Variants in WDFY4 observed in about 807,000 individuals in gnomAD.
WDFY4 encodes the protein WD repeat- and FYVE domain-containing protein 4.
A neutral mutation model predicts 351.9 loss-of-function variants in WDFY4; 169 were observed. The ratio of observed to expected loss-of-function variants is 0.48; its 90% CI spans 0.42 to 0.55. WDFY4 has a LOEUF of 0.55. Ranked by LOEUF, WDFY4 falls within the 20% of genes least tolerant of loss-of-function variation. The pLI is 0.00. For synonymous variants in WDFY4, 1,622 were observed against 1,574.6 expected (o/e 1.03, Z -0.71); for missense variants, 3,803 against 3,935.6 (o/e 0.97, Z 0.90).
chr10:48,937,145 C>T (rs1270439281), intron 47 of WDFY4, among the ~76,000 whole-genome samples: 3 of 152,108 alleles, frequency 2.0e-5, no homozygotes, highest in Admixed American at 6.5e-5. Context: ...CCGCCCACCT[C>T]GGCCTCCCAG....
chr10:48,869,269 G>A (rs114395625), intron 40 of WDFY4, among the ~76,000 whole-genome samples: 1,796 of 152,192 alleles, frequency 0.012, 32 homozygotes, highest in African/African-American at 0.041. Context: ...AATCTGCCAC[G>A]TCCTTTGAGA....
At chr10:48,915,141 A>G (rs2663064) in intron 47 of WDFY4, among the ~76,000 whole-genome samples, 10,947 of 152,214 alleles carry the variant, frequency 0.072, 542 homozygotes, top group Middle Eastern at 0.11. Context: ...AGACACCCTT[A>G]CAGAGCTATG....
At chr10:48,928,920 C>T (rs569350988) in intron 47 of WDFY4, among the ~76,000 whole-genome samples, 1 of 152,302 alleles carries the variant, frequency 6.6e-6, no homozygotes, top group South Asian at 2.1e-4. Context: ...GGCACTGTTC[C>T]AGGCAGCAAA....
chr10:48,941,880 G>C, intron 48 of WDFY4, 32 bp downstream of exon 48: 1 of 1,551,040 alleles, frequency 6.4e-7, no homozygotes, highest in Non-Finnish European at 8.7e-7. Flanking sequence ...GAAGCCCTCT[G>C]GGAATGCAAA....
At chr10:48,745,130 T>G (rs965112168) in intron 12 of WDFY4, among the ~76,000 whole-genome samples, 5 of 152,260 alleles carry the variant, frequency 3.3e-5, no homozygotes, top group Non-Finnish European at 5.9e-5. Flanking sequence ...TTTGTAAGTT[T>G]TATTTTCAGT....
At chr10:48,766,761 C>T (rs1035268385) in intron 13 of WDFY4, among the ~76,000 whole-genome samples, 1 of 152,198 alleles carries the variant, frequency 6.6e-6, no homozygotes, top group Non-Finnish European at 1.5e-5. Flanking sequence ...TGTTCCTTTT[C>T]CATGACATAC....
intron 23 of WDFY4, 47 bp from the exon 24 acceptor site, chr10:48,796,251 T>C: frequency 6.6e-7 from 1 of 1,523,486 alleles, no homozygotes; most frequent in Non-Finnish European, 8.9e-7. Context: ...AGGGGAAATC[T>C]CTAATGATGC....
At chr10:48,788,865 C>T (rs968089473) in intron 21 of WDFY4, among the ~76,000 whole-genome samples, 190 bp downstream of exon 21, 6 of 152,146 alleles carry the variant, frequency 3.9e-5, no homozygotes, top group Admixed American at 2.6e-4. Flanking sequence ...CCAGACTAAG[C>T]CTTTCATTTA....
intron 47 of WDFY4, among the ~76,000 whole-genome samples, chr10:48,904,449 A>G (rs979790225): frequency 3.3e-5 from 5 of 152,220 alleles, no homozygotes; most frequent in Admixed American, 2.0e-4. Flanking sequence ...TAATTGAAGC[A>G]AAAAAGAGGA....
At chr10:48,820,972 A>G in intron 33 of WDFY4, 90 bp from the exon 34 acceptor site, 1 of 872,220 alleles carries the variant, frequency 1.1e-6, no homozygotes, top group Non-Finnish European at 1.9e-6. Flanking sequence ...GATGCGGCAT[A>G]AGTGTCCCAG....
chr10:48,818,102 G>T (rs1413373388), intron 32 of WDFY4, among the ~76,000 whole-genome samples: 3 of 152,216 alleles, frequency 2.0e-5, no homozygotes, highest in African/African-American at 7.2e-5. Context: ...GACTAAAGAA[G>T]AAGGTCAGGT....
chr10:48,931,987 C>T (rs145231832), intron 47 of WDFY4, among the ~76,000 whole-genome samples: 41 of 152,256 alleles, frequency 2.7e-4, no homozygotes, highest in South Asian at 1.0e-3. Context: ...CTGAAAAGGC[C>T]GGTGGGTAGG....
rs369085972 is a variant in WDFY4, at chr10:48,946,058, C to A, written c.7768C>A (p.Pro2590Thr). ...CTTCTAGACATTGAACTTGGCAAAT[C>A]CGAAGATTTTCCGGGATCTTTCAAA... ...YTSETLNLAN[P>T]KIFRDLSKPM... The change falls in exon 50 of 62, where the codon CCG becomes ACG. Residue 2590 changes from proline (P) to threonine (T), a missense_variant. Pro to Thr is a conservative substitution (Grantham distance 38). Around this residue, in one of 3 missense-constraint regions of WDFY4, gnomAD observed 3,054 missense variants for 3,148.6 expected, o/e 0.97. Transcript: ENST00000325239. 1.3e-6 allele frequency: 2 copies of A among 1,544,992 alleles called. No individual in the cohort carries two copies. Among genetic ancestry groups the A allele is most frequent in the Non-Finnish European group, 1.7e-6 (2 of 1,145,172 alleles).
intron 43 of WDFY4, among the ~76,000 whole-genome samples, chr10:48,877,425 T>C (rs1457170622): frequency 1.3e-5 from 2 of 152,222 alleles, no homozygotes; most frequent in Non-Finnish European, 2.9e-5. Flanking sequence ...AAATATTTAA[T>C]AGGTGTACCA....
At chr10:48,750,662 C>A (rs2065155776) in intron 12 of WDFY4, among the ~76,000 whole-genome samples, 1 of 152,226 alleles carries the variant, frequency 6.6e-6, no homozygotes, top group African/African-American at 2.4e-5. Flanking sequence ...TTTCTTATTT[C>A]TTTGGTTTGT....
intron 12 of WDFY4, among the ~76,000 whole-genome samples, chr10:48,750,205 G>C (rs2065137847): frequency 6.6e-6 from 1 of 152,218 alleles, no homozygotes; most frequent in Admixed American, 6.5e-5. Flanking sequence ...CATTGAGGAA[G>C]GGTGGGGGAC....
chr10:48,699,018 C>T (rs1008000935), intron 1 of WDFY4, among the ~76,000 whole-genome samples: 16 of 152,258 alleles, frequency 1.1e-4, no homozygotes, highest in African/African-American at 2.9e-4. Flanking sequence ...CTAGCCGGCC[C>T]GTGCAGCCCC....
intron 20 of WDFY4, among the ~76,000 whole-genome samples, chr10:48,787,895 T>TTTCTTTCTTCC (rs2066498403): frequency 3.9e-5 from 1 of 25,598 alleles, no homozygotes; most frequent in African/African-American, 1.9e-4. Context: ...CTTCTTCTCC[T>TTTCTTTCTTCC]TCTTCTTCTT....
At chr10:48,914,275 G>A in intron 47 of WDFY4, 1 of 1,063,376 alleles carries the variant, frequency 9.4e-7, no homozygotes, top group Middle Eastern at 3.1e-4. Context: ...GATGCCAGAG[G>A]GCACTGGGCT....
Sources: gnomAD v4.1 joint callset for allele counts (sites outside exome capture counted in the v4.1 genomes callset) on GRCh38, gnomAD v4.1.1 for gene constraint, gnomAD v4.1.1 regional missense constraint, MANE v1.5 for transcripts, NCBI Gene and HGNC (gene_info 2026-07-23, HGNC 2026-07-21) for gene names.